PROK1: variants seen among roughly 807,000 people sequenced by gnomAD.
PROK1 encodes the protein prokineticin-1.
A neutral mutation model predicts 8.8 loss-of-function variants in PROK1; 10 were observed. The ratio of observed to expected loss-of-function variants is 1.13; its 90% CI spans 0.70 to 1.92. The LOEUF is 1.92. Among genes scored for constraint, PROK1 ranks in the 30% most tolerant of loss-of-function variants. The pLI, the probability that PROK1 is intolerant of heterozygous loss-of-function variation, is 0.00. For missense variants in PROK1, 140 were observed against 139.7 expected (o/e 1.00, Z -0.01); for synonymous variants, 57 against 56.0 (o/e 1.02, Z -0.08).
chr1:110,451,375 G>T, intron 1 of PROK1, 87 bp downstream of exon 1: 2 of 1,115,792 alleles, frequency 1.8e-6, no homozygotes, highest in South Asian at 1.3e-5. Context: ...CATGCAGGAG[G>T]CTCTGTTGGC....
intron 1 of PROK1, among the ~76,000 whole-genome samples, chr1:110,451,699 C>T (rs1012800831): frequency 1.3e-5 from 2 of 152,076 alleles, no homozygotes; most frequent in Admixed American, 1.3e-4. Context: ...TATTAATTTA[C>T]ATAGCATGTT....
In PROK1 at chr1:110,456,404, A is replaced by AT; in HGVS notation, c.*58dup. 6.2e-7 allele frequency: 1 copy of AT among 1,609,820 alleles called. No individual in the cohort carries two copies. Among genetic ancestry groups the AT allele is most frequent in the Non-Finnish European group, 8.5e-7 (1 of 1,179,304 alleles). ...CATCCTTTTCCTGAGCACAGCCTGG[A>AT]TTTTTATTTCTGCCATGAAACCCAG... On this transcript the variant is annotated 3_prime_UTR_variant, in exon 3 of 3. Coordinates refer to ENST00000271331, the MANE Select transcript of PROK1 (RefSeq NM_032414.3).
In PROK1 at chr1:110,453,989, C is replaced by A; in HGVS notation, c.101C>A (p.Ala34Glu). The A allele has an allele frequency of 6.2e-7, 1 of 1,614,210 alleles. No homozygotes were observed. The highest frequency in any genetic ancestry group is 8.5e-7 in the Non-Finnish European group (1 of 1,180,000). ...TGTGAGCGGGATGTCCAGTGTGGGG[C>A]AGGCACCTGCTGTGCCATCAGCCTG... ...GACERDVQCG[A>E]GTCCAISLWL... The change falls in exon 2 of 3, where the codon GCA becomes GAA. Residue 34 changes from alanine to glutamate, a missense_variant. Transcript: ENST00000271331.
At chr1:110,456,142 A>T (rs1007767399) in intron 2 of PROK1, 90 bp from the exon 3 acceptor site, 5 of 1,440,540 alleles carry the variant, frequency 3.5e-6, no homozygotes, top group Non-Finnish European at 3.9e-6. Context: ...TGGGGGTGAG[A>T]CTTTTGCCAG....
chr1:110,454,827 C>T (rs1351918026), intron 2 of PROK1, among the ~76,000 whole-genome samples: 1 of 152,238 alleles, frequency 6.6e-6, no homozygotes, highest in Non-Finnish European at 1.5e-5. Context: ...CTCACATGCC[C>T]TTTGCTCTGT....
chr1:110,452,326 G>A (rs139922195), intron 1 of PROK1, among the ~76,000 whole-genome samples: 1 of 152,336 alleles, frequency 6.6e-6, no homozygotes, highest in East Asian at 1.9e-4. Flanking sequence ...CGAGTCAAAT[G>A]CTTTTGAGAT....
At chr1:110,455,550 T>C (rs1664159278) in intron 2 of PROK1, among the ~76,000 whole-genome samples, 1 of 152,224 alleles carries the variant, frequency 6.6e-6, no homozygotes, top group Admixed American at 6.5e-5. Context: ...ACAACAGTGA[T>C]AAAAAAACTA....
chr1:110,455,795 AC>A (rs528131883), intron 2 of PROK1, among the ~76,000 whole-genome samples: 101 of 152,246 alleles, frequency 6.6e-4, no homozygotes, highest in African/African-American at 2.4e-3. Context: ...CCCTGAGGAT[AC>A]CCCATTGGTT....
chr1:110,455,586 C>A (rs1664160000), intron 2 of PROK1, among the ~76,000 whole-genome samples: 1 of 152,184 alleles, frequency 6.6e-6, no homozygotes, highest in Admixed American at 6.5e-5. Flanking sequence ...TGTATGCCAC[C>A]CTTCATACTG....
chr1:110,456,146 T>C (rs568885891), intron 2 of PROK1, 86 bp from the exon 3 acceptor site: 1 of 1,488,890 alleles, frequency 6.7e-7, no homozygotes, highest in East Asian at 2.3e-5. Context: ...GGTGAGACTT[T>C]TGCCAGTGCT....
At chr1:110,451,385 C>T (rs1310251592) in intron 1 of PROK1, 97 bp downstream of exon 1, 6 of 1,035,294 alleles carry the variant, frequency 5.8e-6, no homozygotes, top group Non-Finnish European at 9.1e-6. Context: ...GCTCTGTTGG[C>T]TCAACACAGT....
chr1:110,455,931 ATGTGTGTGCGTGTG>A (rs1664164782), intron 2 of PROK1, among the ~76,000 whole-genome samples: 1 of 152,060 alleles, frequency 6.6e-6, no homozygotes, highest in Non-Finnish European at 1.5e-5. Context: ...ATCAATGGAC[ATGTGTGTGCGTGTG>A]TGTGTGTGTG....
chr1:110,451,951 A>C (rs1031459285), intron 1 of PROK1, among the ~76,000 whole-genome samples: 3 of 152,236 alleles, frequency 2.0e-5, no homozygotes, highest in Non-Finnish European at 2.9e-5. Flanking sequence ...GCATATGGGC[A>C]CTGTACAATT....
At position 110,456,479 on chromosome 1, in the gene PROK1, C is replaced by T; in HGVS notation, c.*128C>T. On this transcript the variant is annotated 3_prime_UTR_variant, in exon 3 of 3. Transcript: ENST00000271331. ...CACTGACTACCCTGATCTCTCTTGT[C>T]TAGTACGCACATATGCACACAGGCA... 8.4e-7 allele frequency: 1 copy of T among 1,183,474 alleles called. No homozygotes were observed. Among genetic ancestry groups the T allele is most frequent in the Non-Finnish European group, 1.2e-6 (1 of 811,502 alleles). 73.3% of individuals were successfully genotyped at this position (1,183,474 alleles called of 1,614,324 possible).
At chr1:110,453,939 C>T (rs1416855429) in intron 1 of PROK1, 22 bp from the exon 2 acceptor site, 1 of 1,614,102 alleles carries the variant, frequency 6.2e-7, no homozygotes, top group Non-Finnish European at 8.5e-7. Context: ...ATGAACTGTT[C>T]CCTTCTCTCT....
chr1:110,452,860 C>T (rs1664108784), intron 1 of PROK1, among the ~76,000 whole-genome samples: 1 of 152,204 alleles, frequency 6.6e-6, no homozygotes, highest in African/African-American at 2.4e-5. Context: ...CAGTGATGCC[C>T]CACCTCTATG....
Position 110,454,011 on chromosome 1 carries a change from C to T in PROK1, c.123C>T (p.Ser41=). Residue 41 remains serine (S), a synonymous_variant, in exon 2 of 3, where the codon AGC becomes AGT. Coordinates refer to ENST00000271331, the MANE Select transcript of PROK1 (RefSeq NM_032414.3). ...QCGAGTCCAI[S]LWLRGLRMCT... is the part of the protein sequence containing the mutation. ...GGGCAGGCACCTGCTGTGCCATCAG[C>T]CTGTGGCTTCGAGGGCTGCGGATGT... The T allele has an allele frequency of 1.2e-6, 2 of 1,614,210 alleles. No homozygotes were observed. The highest frequency in any genetic ancestry group is 1.7e-6 in the Non-Finnish European group (2 of 1,180,014).
At chr1:110,453,841 G>A (rs1557936221) in intron 1 of PROK1, 120 bp from the exon 2 acceptor site, 4 of 1,355,232 alleles carry the variant, frequency 3.0e-6, no homozygotes, top group Non-Finnish European at 4.2e-6. Flanking sequence ...GCTAAGGCCG[G>A]GGGTGATACT....
At chr1:110,452,010 C>T (rs1191584714) in intron 1 of PROK1, among the ~76,000 whole-genome samples, 1 of 152,168 alleles carries the variant, frequency 6.6e-6, no homozygotes, top group African/African-American at 2.4e-5. Context: ...TTGCTTTTAC[C>T]TCAAACCACC....
Sources: gnomAD v4.1 joint callset for allele counts (sites outside exome capture counted in the v4.1 genomes callset) on GRCh38, gnomAD v4.1.1 for gene constraint, MANE v1.5 for transcripts, NCBI Gene and HGNC (gene_info 2026-07-23, HGNC 2026-07-21) for gene names.